The following USP34 variants were observed in gnomAD, a reference collection of about 807,000 sequenced individuals.
USP34 encodes the protein ubiquitin carboxyl-terminal hydrolase 34.
In USP34, 70 loss-of-function variants were observed where a neutral mutation model predicts 460.3. The ratio of observed to expected loss-of-function variants is 0.15; its 90% CI spans 0.13 to 0.19. The LOEUF (loss-of-function observed/expected upper bound fraction) is 0.19, where lower values mean the gene tolerates loss of function less well. USP34 is among the 10% of genes least tolerant of loss of function. The probability of loss-of-function intolerance (pLI) is 1.00; values close to 1 mark genes in which losing one functional copy is unlikely to be tolerated. For missense variants in USP34, 3,985 were observed against 4,236.2 expected (o/e 0.94, Z 1.65); for synonymous variants, 1,647 against 1,405.3 (o/e 1.17, Z -3.85).
intron 10 of USP34, among the ~76,000 whole-genome samples, chr2:61,366,074 C>T (rs113217816): frequency 0.079 from 12,025 of 152,182 alleles, 618 homozygotes; most frequent in Admixed American, 0.13. Context: ...TACAGGCATG[C>T]GCCGCCATGC....
chr2:61,326,086 C>T (rs528276780), intron 20 of USP34, among the ~76,000 whole-genome samples: 8 of 152,058 alleles, frequency 5.3e-5, no homozygotes, highest in African/African-American at 1.7e-4. Context: ...AGACTGTGGT[C>T]GGCCCCAAAG....
chr2:61,468,048 T>A (rs145987747), intron 1 of USP34, among the ~76,000 whole-genome samples: 1 of 152,260 alleles, frequency 6.6e-6, no homozygotes, highest in East Asian at 1.9e-4. Context: ...ACATATAATC[T>A]ACTTCAACAA....
In USP34 at chr2:61,248,546, T is replaced by C; in HGVS notation, c.6359A>G (p.Glu2120Gly). ...PLRLDMTPYTEDFLMGKSERK... is the reference protein window; with the variant it reads ...PLRLDMTPYTGDFLMGKSERK... ...CTCACTCTTTCCCATAAGAAAATCT[T>C]CTGTATAGGGCGTCATGTCCAAACG... Residue 2120 changes from glutamate (E) to glycine (G), a missense_variant, in exon 49 of 80, where the codon GAA (glutamate) becomes GGA (glycine). Around this residue, in one of 14 missense-constraint regions of USP34, gnomAD observed 70 missense variants for 78.1 expected, o/e 0.90. Transcript: ENST00000398571. 2.5e-6 allele frequency: 4 copies of C among 1,589,012 alleles called. No individual in the cohort carries two copies. The highest frequency in any genetic ancestry group is 3.4e-6 in the Non-Finnish European group (4 of 1,166,224).
chr2:61,320,149 T>C (rs1416680982), intron 21 of USP34, among the ~76,000 whole-genome samples: 2 of 152,232 alleles, frequency 1.3e-5, no homozygotes, highest in African/African-American at 4.8e-5. Context: ...ACGAATATGA[T>C]AGAGCTTACA....
At chr2:61,241,205 G>A (rs371729913) in intron 53 of USP34, among the ~76,000 whole-genome samples, 1 of 151,812 alleles carries the variant, frequency 6.6e-6, no homozygotes, top group African/African-American at 2.4e-5. Context: ...CACCACGCTC[G>A]GCTACTTTTT....
At chr2:61,325,544 C>A in intron 20 of USP34, 87 bp from the exon 21 acceptor site, 2 of 703,102 alleles carry the variant, frequency 2.8e-6, no homozygotes, top group South Asian at 4.1e-5. Flanking sequence ...TAACTTATAC[C>A]AAAAATTGTT....
chr2:61,203,428 G>A (rs138061345), intron 74 of USP34, among the ~76,000 whole-genome samples, 165 bp from the exon 75 acceptor site: 15 of 152,002 alleles, frequency 9.9e-5, no homozygotes, highest in Admixed American at 6.5e-4. Flanking sequence ...CTTAATTGTC[G>A]TAAGTTTATT....
At position 61,401,860 on chromosome 2, in the gene USP34, T is replaced by C. The variant is rs951866115; in HGVS notation, c.552+3848A>G. On this transcript the variant is annotated intron_variant, in intron 3 of 79. Transcript: ENST00000398571. ...GGCATGAGCCACCGCGCCCGGCCCA[T>C]TTTTATAATCTTTTTCCCTATACTT... Among the ~76,000 whole-genome samples, 4 of 150,074 alleles carry C rather than the reference T, an allele frequency of 2.7e-5. No homozygotes were observed. The South Asian group carries it at 8.7e-4, about 33-fold the overall frequency.
chr2:61,299,827 CT>C (rs1192554692), intron 29 of USP34, among the ~76,000 whole-genome samples: 4 of 152,030 alleles, frequency 2.6e-5, no homozygotes, highest in African/African-American at 9.7e-5. Flanking sequence ...TAGACTATAC[CT>C]TTTCCTCTGA....
intron 1 of USP34, among the ~76,000 whole-genome samples, chr2:61,425,341 G>A (rs923452567): frequency 3.3e-5 from 5 of 151,962 alleles, no homozygotes; most frequent in East Asian, 1.9e-4. Flanking sequence ...TTTTAACTGC[G>A]TATCACTGAA....
Position 61,278,319 on chromosome 2 carries a change from A to G in USP34, c.5313-34T>C, listed in dbSNP as rs143239004. 6.0e-4 allele frequency: 963 copies of G among 1,610,284 alleles called. 8 individuals carry two copies. The African/African-American group carries it at 9.9e-3, about 17-fold the overall frequency. ...AAGAAAAAAAATACACACAAGCAAG[A>G]TAGTTCACATAATTATGTCTTTTAT... On this transcript the variant is annotated intron_variant, in intron 40 of 79. Coordinates refer to ENST00000398571, the MANE Select transcript of USP34 (RefSeq NM_014709.4).
chr2:61,426,959 A>G (rs1694530073), intron 1 of USP34, among the ~76,000 whole-genome samples: 1 of 152,234 alleles, frequency 6.6e-6, no homozygotes, highest in Non-Finnish European at 1.5e-5. Flanking sequence ...TCAAGGTGGT[A>G]CCTGTATGAG....
chr2:61,219,359 T>G (rs900348274), intron 67 of USP34, among the ~76,000 whole-genome samples: 1 of 152,170 alleles, frequency 6.6e-6, no homozygotes, highest in Admixed American at 6.5e-5. Context: ...ATTCTTTTAC[T>G]GGAGAATGGT....
chr2:61,388,078 C>A (rs1018517210), intron 5 of USP34, among the ~76,000 whole-genome samples: 2 of 151,764 alleles, frequency 1.3e-5, no homozygotes, highest in Admixed American at 1.3e-4. Context: ...TCAGCCAGGA[C>A]AATATGGCAA....
rs189796324 is a variant in USP34, at chr2:61,208,864, A to G, written c.8919+35T>C. On this transcript the variant is annotated intron_variant, in intron 70 of 79. Transcript: ENST00000398571. Reference sequence around the variant, plus strand: ...GTCTTGGTGAGAACATTAAAATGAGATAATATCCACAGTAAAATGCAATAG... The same window carrying G: ...GTCTTGGTGAGAACATTAAAATGAGGTAATATCCACAGTAAAATGCAATAG... 3.4e-5 allele frequency: 49 copies of G among 1,451,144 alleles called. No homozygotes were observed. In the Middle Eastern group the frequency reaches 6.0e-4, roughly 18 times the overall value. 89.9% of individuals were successfully genotyped at this position (1,451,144 alleles called of 1,614,324 possible). A position where few individuals can be genotyped will look rare whatever the true frequency, so the allele number is the denominator to read the frequency against.
chr2:61,341,054 T>A (rs1218836357), intron 16 of USP34, among the ~76,000 whole-genome samples: 1 of 152,196 alleles, frequency 6.6e-6, no homozygotes. Context: ...CAAATTACTT[T>A]TGACTGTTCT....
rs1417691357 is a variant in USP34, at chr2:61,229,852, A to G, written c.7114-219T>C. Among the ~76,000 whole-genome samples, 5 of 152,206 alleles carry G rather than the reference A, an allele frequency of 3.3e-5. No individual in the cohort carries two copies. In the South Asian group the frequency reaches 1.0e-3, roughly 32 times the overall value. On this transcript the variant is annotated intron_variant, in intron 58 of 79. Transcript: ENST00000398571. ...TTATGATAAAGAGAAAAAACTCAAC[A>G]AACTGTACATTTCAGTAATACAGAT...
At chr2:61,259,896 A>G in intron 43 of USP34, 120 bp from the exon 44 acceptor site, 1 of 771,984 alleles carries the variant, frequency 1.3e-6, no homozygotes, top group South Asian at 2.2e-5. Context: ...GGCTATATAA[A>G]AGAAAAACAC....
intron 68 of USP34, among the ~76,000 whole-genome samples, 161 bp downstream of exon 68, chr2:61,213,899 A>G (rs757272201): frequency 1.4e-4 from 21 of 152,246 alleles, no homozygotes; most frequent in Non-Finnish European, 2.1e-4. Flanking sequence ...TTATAACAAC[A>G]CAGCATTTTA....
Sources: allele counts gnomAD v4.1 joint callset (sites outside exome capture counted in the v4.1 genomes callset), GRCh38; gene constraint gnomAD v4.1.1; regional missense constraint gnomAD v4.1.1; transcripts MANE v1.5; gene names NCBI Gene and HGNC (gene_info 2026-07-23, HGNC 2026-07-21).